TRAPPC11: variants seen among roughly 807,000 people sequenced by gnomAD.
TRAPPC11 encodes the protein trafficking protein particle complex subunit 11, also known as foie gras homolog.
TRAPPC11 carries 104 observed loss-of-function variants against 151.2 expected under a neutral mutation model. The observed-to-expected ratio is 0.69, with a 90% CI of 0.59 to 0.81. The LOEUF is 0.81. Among genes scored for constraint, TRAPPC11 ranks in the 30% least tolerant of loss-of-function variants. The probability of loss-of-function intolerance (pLI) is 0.00; values close to 1 mark genes in which losing one functional copy is unlikely to be tolerated. For synonymous variants in TRAPPC11, 456 were observed against 472.3 expected (o/e 0.97, Z 0.45); for missense variants, 1,230 against 1,349.6 (o/e 0.91, Z 1.39).
intron 1 of TRAPPC11, among the ~76,000 whole-genome samples, chr4:183,661,361 C>CTTTTTTTTTT (rs139201416): frequency 5.0e-5 from 4 of 79,392 alleles, no homozygotes; most frequent in Non-Finnish European, 6.7e-5. Context: ...TGTAGATTAC[C>CTTTTTTTTTT]TTTTTTTTTT....
chr4:183,660,229 C>G (rs1373368204), intron 1 of TRAPPC11, among the ~76,000 whole-genome samples: 2 of 152,208 alleles, frequency 1.3e-5, no homozygotes, highest in African/African-American at 4.8e-5. Context: ...CTTTCTGATA[C>G]AATTTTCGTG....
chr4:183,664,393 C>T (rs1024858995), intron 2 of TRAPPC11, among the ~76,000 whole-genome samples: 3 of 152,066 alleles, frequency 2.0e-5, no homozygotes, highest in Non-Finnish European at 2.9e-5. Flanking sequence ...TTACTAATGT[C>T]GTTTTTGAAT....
intron 3 of TRAPPC11, chr4:183,666,831 T>G: frequency 2.1e-6 from 1 of 474,534 alleles, no homozygotes; most frequent in African/African-American, 1.9e-5. Context: ...CATTAATCTT[T>G]TGCTTTTAAG....
chr4:183,705,003 C>T lies in TRAPPC11; in HGVS notation c.2988C>T (p.Pro996=), dbSNP rs1010195996. The T allele has an allele frequency of 1.9e-6, 3 of 1,598,362 alleles. No homozygotes were observed. Among genetic ancestry groups the T allele is most frequent in the Admixed American group, 1.7e-5 (1 of 59,910 alleles). Residue 996 remains proline, a synonymous_variant, in exon 27 of 30, where the codon CCC becomes CCT. Coordinates refer to ENST00000334690, the MANE Select transcript of TRAPPC11 (RefSeq NM_021942.6). ...WKRTSAMENI[P]IITTVITLPH... ...GGACCTCAGCAATGGAGAATATCCC[C>T]ATCATCACAACTGTCATCACTCTGC...
chr4:183,664,135 TTTTG>T, intron 2 of TRAPPC11, 64 bp downstream of exon 2: 2 of 1,419,994 alleles, frequency 1.4e-6, no homozygotes, highest in East Asian at 4.6e-5. Flanking sequence ...TGTGTGTCTT[TTTTG>T]TTCTGTTGTG....
At chr4:183,692,919 A>ATG in intron 19 of TRAPPC11, 41 bp from the exon 20 acceptor site, 1 of 1,563,312 alleles carries the variant, frequency 6.4e-7, no homozygotes, top group Non-Finnish European at 8.7e-7. Flanking sequence ...TGACAAGCAC[A>ATG]TATGAGATGA....
At chr4:183,685,235 AC>A (rs752959837) in intron 16 of TRAPPC11, 35 bp from the exon 17 acceptor site, 1 of 1,609,966 alleles carries the variant, frequency 6.2e-7, no homozygotes, top group South Asian at 1.1e-5. Context: ...TTTTTATTCA[AC>A]TAGTTGAATG....
chr4:183,687,665 TA>T (rs1326018409), intron 18 of TRAPPC11, among the ~76,000 whole-genome samples: 1 of 152,122 alleles, frequency 6.6e-6, no homozygotes, highest in African/African-American at 2.4e-5. Context: ...GAATTCCAAA[TA>T]AGGTATATTC....
chr4:183,690,715 C>T (rs1736217822), intron 18 of TRAPPC11, among the ~76,000 whole-genome samples: 1 of 152,120 alleles, frequency 6.6e-6, no homozygotes, highest in Non-Finnish European at 1.5e-5. Context: ...ACCTGTAATC[C>T]CAACACTTTT....
At chr4:183,685,173 T>C (rs755842610) in intron 16 of TRAPPC11, 28 bp downstream of exon 16, 2 of 1,612,006 alleles carry the variant, frequency 1.2e-6, no homozygotes, top group Admixed American at 3.3e-5. Flanking sequence ...ATATAGAGTG[T>C]GTTATTAGGA....
intron 18 of TRAPPC11, among the ~76,000 whole-genome samples, chr4:183,689,206 A>C (rs1387019457): frequency 6.6e-6 from 1 of 152,146 alleles, no homozygotes; most frequent in Non-Finnish European, 1.5e-5. Flanking sequence ...TGGTGTTGGG[A>C]ATGGAGATTC....
intron 10 of TRAPPC11, among the ~76,000 whole-genome samples, chr4:183,681,689 A>C (rs1213655412): frequency 1.3e-5 from 2 of 151,944 alleles, no homozygotes; most frequent in African/African-American, 4.8e-5. Context: ...CTGAGGCAGG[A>C]GAATGGCGTG....
intron 5 of TRAPPC11, among the ~76,000 whole-genome samples, chr4:183,672,562 TAAAG>T (rs1050300156): frequency 6.6e-5 from 10 of 152,326 alleles, no homozygotes; most frequent in Admixed American, 1.3e-4. Context: ...CCTCAAATAA[TAAAG>T]AAGTGTATGA....
chr4:183,701,151 T>C (rs79822021), intron 25 of TRAPPC11: 2,940 of 152,786 alleles, frequency 0.019, 60 homozygotes, highest in East Asian at 0.062. Context: ...TGGATGCACT[T>C]CCTTTTAGAA....
In TRAPPC11 at chr4:183,708,428, G is replaced by A. The variant is rs141588557; in HGVS notation, c.3211G>A (p.Gly1071Ser). The A allele has an allele frequency of 1.6e-4, 262 of 1,613,498 alleles. No homozygotes were observed. The highest frequency in any genetic ancestry group is 2.2e-4 in the Non-Finnish European group (256 of 1,179,874). The stretch of plus-strand genomic sequence containing the variant: ...GCAGATTCGATTACGTATCCTCCCT[G>A]GCACGGAGCAGGAAATGCTATATAA... Reference protein sequence around the residue: ...LKQIRLRILPGTEQEMLYNFY... With the variant: ...LKQIRLRILPSTEQEMLYNFY... Residue 1071 changes from glycine to serine, a missense_variant, in exon 29 of 30, where the codon GGC (glycine) becomes AGC (serine). Gly to Ser is a moderately conservative substitution (Grantham distance 56). Transcript: ENST00000334690.
chr4:183,672,890 C>CT (rs1394866175), intron 5 of TRAPPC11, among the ~76,000 whole-genome samples: 1 of 150,904 alleles, frequency 6.6e-6, no homozygotes, highest in Non-Finnish European at 1.5e-5. Flanking sequence ...TCAGAATAGT[C>CT]TGTAGACATA....
intron 5 of TRAPPC11, among the ~76,000 whole-genome samples, chr4:183,671,180 C>CTA (rs1221623959): frequency 6.6e-6 from 1 of 152,182 alleles, no homozygotes; most frequent in Admixed American, 6.5e-5. Context: ...AAGCGGTTTT[C>CTA]TAATTAGTTT....
intron 18 of TRAPPC11, among the ~76,000 whole-genome samples, chr4:183,689,381 C>T (rs900027026): frequency 1.3e-5 from 2 of 151,962 alleles, no homozygotes; most frequent in Non-Finnish European, 2.9e-5. Context: ...TCCTTCTTGC[C>T]TTTTCTCACT....
At chr4:183,699,087 C>T (rs1214043248) in intron 25 of TRAPPC11, among the ~76,000 whole-genome samples, 1 of 152,156 alleles carries the variant, frequency 6.6e-6, no homozygotes, top group East Asian at 1.9e-4. Flanking sequence ...CTGGACCTCA[C>T]CTGGTCAGGC....
Sources: allele counts gnomAD v4.1 joint callset (sites outside exome capture counted in the v4.1 genomes callset), GRCh38; gene constraint gnomAD v4.1.1; transcripts MANE v1.5; gene names NCBI Gene and HGNC (gene_info 2026-07-23, HGNC 2026-07-21).